The following KLHL35 variants were observed in gnomAD, a reference collection of about 807,000 sequenced individuals.
KLHL35 encodes kelch-like protein 35.
In KLHL35, 50 loss-of-function variants were observed where a neutral mutation model predicts 44.0. The observed-to-expected ratio is 1.14, with a 90% CI of 0.91 to 1.44. The LOEUF (loss-of-function observed/expected upper bound fraction) is 1.44. KLHL35 is among the 40% of genes most tolerant of loss of function. The pLI, the probability that KLHL35 is intolerant of heterozygous loss-of-function variation, is 0.00. For synonymous variants in KLHL35, 470 were observed against 410.4 expected (o/e 1.15, Z -1.76); for missense variants, 1,049 against 887.8 (o/e 1.18, Z -2.31).
intron 2 of KLHL35, 45 bp from the exon 3 acceptor site, chr11:75,428,671 T>C (rs757575578): frequency 8.7e-6 from 13 of 1,501,292 alleles, no homozygotes; most frequent in Non-Finnish European, 3.6e-6. Context: ...GCACCCAAGT[T>C]CGGCCCTCTC....
chr11:75,430,258 C>T lies in KLHL35; in HGVS notation c.372G>A (p.Ala124=), dbSNP rs1330904581. ...GVRLRAEDEA[A]AVLALAERLG... ...GCCGCTCCGCCAGCGCCAGCACGGC[C>T]GCCGCCTCGTCCTCCGCGCGCAGCC... Residue 124 remains alanine (A), a synonymous_variant, in exon 2 of 7, where the codon GCG becomes GCA. Transcript: ENST00000539798. The T allele has an allele frequency of 8.3e-7, 1 of 1,208,992 alleles. No individual in the cohort carries two copies. Among genetic ancestry groups the T allele is most frequent in the East Asian group, 4.2e-5 (1 of 23,796 alleles). 74.9% of individuals were successfully genotyped at this position (1,208,992 alleles called of 1,614,324 possible). A position where few individuals can be genotyped will look rare whatever the true frequency, so the allele number is the denominator to read the frequency against.
Position 75,423,847 on chromosome 11 carries a change from TC to T in KLHL35, c.1407del (p.Trp469Ter). ...GAGAAGGGTGCTGGTGACCGCAGGC[TC>T]CACCGGTCCTCCTTGGGGTCAAAGC... ...VQCFDPKEDRWSLRSPAPFSQ... is the reference protein window; with the variant it reads ...VQCFDPKEDRXSLRSPAPFSQ... On this transcript the variant is annotated frameshift_variant, in exon 6 of 7. Transcript: ENST00000539798. LOFTEE classifies it high-confidence loss of function. The T allele has an allele frequency of 6.2e-7, 1 of 1,613,572 alleles. No individual in the cohort carries two copies. Among genetic ancestry groups the T allele is most frequent in the Non-Finnish European group, 8.5e-7 (1 of 1,179,768 alleles).
Position 75,428,632 on chromosome 11 carries a change from G to A in KLHL35, c.882-6C>T, listed in dbSNP as rs774492960. On this transcript the variant is annotated splice_region_variant and splice_polypyrimidine_tract_variant and intron_variant, in intron 2 of 6. Transcript: ENST00000539798. The stretch of plus-strand genomic sequence containing the variant: ...CTTCAGCTAGGTCCATGAATCTGGC[G>A]TGCGGATAAGCCCAGTGCCTGTTGG... The A allele has an allele frequency of 2.5e-6, 4 of 1,574,012 alleles. No individual in the cohort carries two copies. Among genetic ancestry groups the A allele is most frequent in the South Asian group, 1.2e-5 (1 of 84,814 alleles).
At position 75,429,760 on chromosome 11, in the gene KLHL35, G is replaced by A. The variant is rs1277295291; in HGVS notation, c.870C>T (p.Thr290=). 1 of 1,480,486 alleles carries A rather than the reference G, an allele frequency of 6.8e-7. No individual in the cohort carries two copies. The highest frequency in any genetic ancestry group is 8.9e-7 in the Non-Finnish European group (1 of 1,121,428). 91.7% of individuals were successfully genotyped at this position (1,480,486 alleles called of 1,614,324 possible). ...GATGGCGGCCCTACCTCCGCGGCCGGGTCCGCAGCGCACCGGCCTCGCGGC... is the reference window on the plus strand; with the variant it reads ...GATGGCGGCCCTACCTCCGCGGCCGAGTCCGCAGCGCACCGGCCTCGCGGC... ...ILGREAGALR[T]RPRRFMDLAE... The change falls in exon 2 of 7, where the codon ACC becomes ACT. Residue 290 remains threonine (T), a synonymous_variant. Transcript: ENST00000539798.
At chr11:75,426,341 A>G in intron 4 of KLHL35, 179 bp downstream of exon 4, 1 of 522,886 alleles carries the variant, frequency 1.9e-6, no homozygotes, top group South Asian at 2.4e-5. Context: ...GGCTGTTACT[A>G]TTACAGTAAT....
chr11:75,426,029 C>T (rs1948488949), intron 4 of KLHL35: 1 of 157,540 alleles, frequency 6.3e-6, no homozygotes, highest in Non-Finnish European at 1.4e-5. Flanking sequence ...AATCTGGGCT[C>T]ACTGCAAGCT....
chr11:75,432,030 G>C (rs1565173029), intron 1 of KLHL35, among the ~76,000 whole-genome samples: 1 of 152,306 alleles, frequency 6.6e-6, no homozygotes. Context: ...CAGCAGAGGG[G>C]TGTTTGTGAA....
intron 1 of KLHL35, among the ~76,000 whole-genome samples, 192 bp downstream of exon 1, chr11:75,432,851 T>A (rs948109947): frequency 1.2e-4 from 18 of 152,128 alleles, no homozygotes; most frequent in African/African-American, 4.1e-4. Context: ...CCAGGGGTCA[T>A]GATGCAGATT....
At position 75,422,527 on chromosome 11, in the gene KLHL35, A is replaced by G; in HGVS notation, c.*53T>C. 6.4e-7 allele frequency: 1 copy of G among 1,554,684 alleles called. No individual in the cohort carries two copies. The highest frequency in any genetic ancestry group is 8.8e-7 in the Non-Finnish European group (1 of 1,134,360). ...GGTGCCATGAGGGAGCAGAGTGTGC[A>G]TCTGAGCTCCGCCTGCCTCTCCGCC... On this transcript the variant is annotated 3_prime_UTR_variant, in exon 7 of 7. Transcript: ENST00000539798.
chr11:75,428,366 G>A, intron 3 of KLHL35, 76 bp downstream of exon 3: 2 of 1,531,512 alleles, frequency 1.3e-6, no homozygotes, highest in Admixed American at 3.8e-5. Flanking sequence ...CCCGATTGGA[G>A]GGAAAAGCAA....
Position 75,423,828 on chromosome 11 carries a change from G to A in KLHL35, c.1427C>T (p.Pro476Leu). Reference sequence around the variant, plus strand: ...AGCCTCGAGACACCGCTGTGAGAAGGGTGCTGGTGACCGCAGGCTCCACCG... The same window carrying A: ...AGCCTCGAGACACCGCTGTGAGAAGAGTGCTGGTGACCGCAGGCTCCACCG... ...EDRWSLRSPA[P>L]FSQRCLEAVS... The change falls in exon 6 of 7, where the codon CCC (proline) becomes CTC (leucine). Residue 476 changes from proline to leucine, a missense_variant. Coordinates refer to ENST00000539798, the MANE Select transcript of KLHL35 (RefSeq NM_001039548.3). 1 of 1,613,896 alleles carries A rather than the reference G, an allele frequency of 6.2e-7. No homozygotes were observed. The highest frequency in any genetic ancestry group is 2.2e-5 in the East Asian group (1 of 44,876).
At chr11:75,424,028 G>A in intron 5 of KLHL35, 148 bp from the exon 6 acceptor site, 1 of 633,444 alleles carries the variant, frequency 1.6e-6, no homozygotes, top group Non-Finnish European at 2.7e-6. Flanking sequence ...CATCTGGGAG[G>A]GAGGGGGAGG....
At chr11:75,428,298 A>G (rs1948506654) in intron 3 of KLHL35, 144 bp downstream of exon 3, 5 of 886,836 alleles carry the variant, frequency 5.6e-6, no homozygotes, top group Non-Finnish European at 8.3e-6. Context: ...ACGCGTAGTT[A>G]GCCCTGCTCA....
At position 75,423,827 on chromosome 11, in the gene KLHL35, G is replaced by C; in HGVS notation, c.1428C>G (p.Pro476=). ...CAGCCTCGAGACACCGCTGTGAGAA[G>C]GGTGCTGGTGACCGCAGGCTCCACC... ...EDRWSLRSPA[P]FSQRCLEAVS... The change falls in exon 6 of 7, where the codon CCC becomes CCG. Residue 476 remains proline, a synonymous_variant. Transcript: ENST00000539798. 6.2e-7 allele frequency: 1 copy of C among 1,613,878 alleles called. No individual in the cohort carries two copies.
chr11:75,425,578 A>T lies in KLHL35; in HGVS notation c.1189T>A (p.Phe397Ile). 6.8e-7 allele frequency: 1 copy of T among 1,477,870 alleles called. No homozygotes were observed. 91.5% of individuals were successfully genotyped at this position (1,477,870 alleles called of 1,614,324 possible). Residue 397 changes from phenylalanine to isoleucine, a missense_variant, in exon 5 of 7, where the codon TTC becomes ATC. Coordinates refer to ENST00000539798, the MANE Select transcript of KLHL35 (RefSeq NM_001039548.3). ...HKMAVVQGQLFAVGGFDGLRR... is the reference protein window; with the variant it reads ...HKMAVVQGQLIAVGGFDGLRR... ...AGGCCGTCGAAGCCACCCACCGCGA[A>T]CAGCTGCAAGTGAGGACATGGGCCG...
intron 6 of KLHL35, 187 bp from the exon 7 acceptor site, chr11:75,422,955 T>C: frequency 1.7e-6 from 1 of 597,512 alleles, no homozygotes; most frequent in Non-Finnish European, 3.0e-6. Context: ...GTGAATGGCG[T>C]TAGGCAAGTC....
At chr11:75,428,760 G>T in intron 2 of KLHL35, 134 bp from the exon 3 acceptor site, 1 of 702,926 alleles carries the variant, frequency 1.4e-6, no homozygotes, top group Non-Finnish European at 2.1e-6. Flanking sequence ...CCGATCCCCC[G>T]GCCTCAATCC....
rs764756335 is a variant in KLHL35, at chr11:75,429,951, C to T, written c.679G>A (p.Asp227Asn). Residue 227 changes from aspartate to asparagine, a missense_variant, in exon 2 of 7, where the codon GAC becomes AAC. By Grantham distance (23) the Asp-to-Asn change is conservative (BLOSUM62 1). Coordinates refer to ENST00000539798, the MANE Select transcript of KLHL35 (RefSeq NM_001039548.3). Reference sequence around the variant, plus strand: ...AGCTGGCCGCGGCGGGCCGGCGCGTCGTGGCGCACCCAGCGCATGGCCGCT... The same window carrying T: ...AGCTGGCCGCGGCGGGCCGGCGCGTTGTGGCGCACCCAGCGCATGGCCGCT... Reference protein sequence around the residue: ...FEAAMRWVRHDAPARRGQLRR... With the variant: ...FEAAMRWVRHNAPARRGQLRR... 6.9e-6 allele frequency: 10 copies of T among 1,451,028 alleles called. No homozygotes were observed. In the Middle Eastern group the frequency reaches 6.9e-4, roughly 101 times the overall value. 89.9% of individuals were successfully genotyped at this position (1,451,028 alleles called of 1,614,324 possible).
Position 75,432,748 on chromosome 11 carries a change from C to T in KLHL35, c.-2+295G>A, listed in dbSNP as rs539225810. 2.0e-5 allele frequency among the ~76,000 whole-genome samples: 3 copies of T among 151,630 alleles called. No homozygotes were observed. The East Asian group carries it at 5.8e-4, about 29-fold the overall frequency. On this transcript the variant is annotated intron_variant, in intron 1 of 6. Transcript: ENST00000539798. ...CTCTGGGGATCCCCAGTCTGGGGGT[C>T]AAACGACACCCAGTTGGAACACAGA...
Sources: allele counts gnomAD v4.1 joint callset (sites outside exome capture counted in the v4.1 genomes callset), GRCh38; gene constraint gnomAD v4.1.1; transcripts MANE v1.5; gene names NCBI Gene and HGNC (gene_info 2026-07-23, HGNC 2026-07-21).